ARHGEF12: variants seen among roughly 807,000 people sequenced by gnomAD.
ARHGEF12 encodes Rho guanine nucleotide exchange factor 12.
A neutral mutation model predicts 211.2 loss-of-function variants in ARHGEF12; 66 were observed. That is an observed-to-expected ratio of 0.31 (90% CI 0.26 to 0.38). ARHGEF12 has a LOEUF of 0.38. Among genes scored for constraint, ARHGEF12 ranks in the 10% least tolerant of loss-of-function variants. The pLI is 1.00. For synonymous variants in ARHGEF12, 592 were observed against 638.4 expected (o/e 0.93, Z 1.09); for missense variants, 1,429 against 1,869.5 (o/e 0.76, Z 4.34).
intron 1 of ARHGEF12, among the ~76,000 whole-genome samples, chr11:120,382,456 T>G (rs887868912): frequency 1.6e-4 from 24 of 152,256 alleles, no homozygotes; most frequent in African/African-American, 5.8e-4. Flanking sequence ...TAGCTCTAGT[T>G]TGGGACTGTT....
rs187376069 is a variant in ARHGEF12 at position 120,398,078 on chromosome 11, T to C, written c.33-8040T>C. On this transcript the variant is annotated intron_variant, in intron 1 of 40. Coordinates refer to ENST00000397843, the MANE Select transcript of ARHGEF12 (RefSeq NM_015313.3). ...GAAAAGGCAGAGAGAACCATTGCTT[T>C]ATAGGAAACTACAGTTTGGAAAAAC... 3.3e-5 allele frequency among the ~76,000 whole-genome samples: 5 copies of C among 152,286 alleles called. No individual in the cohort carries two copies. In the East Asian group the frequency reaches 9.6e-4, roughly 29 times the overall value.
intron 26 of ARHGEF12, 100 bp downstream of exon 26, chr11:120,459,420 GATTAT>G: frequency 8.1e-7 from 1 of 1,235,974 alleles, no homozygotes. Context: ...GTATTCCTGA[GATTAT>G]GTGTGAGAAT....
At chr11:120,442,455 CAT>C (rs762540484) in intron 15 of ARHGEF12, among the ~76,000 whole-genome samples, 2,166 of 129,844 alleles carry the variant, frequency 0.017, 54 homozygotes, top group African/African-American at 0.058. Context: ...CACACACACA[CAT>C]ATATATACAC....
intron 1 of ARHGEF12, among the ~76,000 whole-genome samples, chr11:120,366,508 T>C (rs1943425621): frequency 6.6e-6 from 1 of 152,176 alleles, no homozygotes; most frequent in South Asian, 2.1e-4. Flanking sequence ...AATAAAATAA[T>C]ACAGTGGGTG....
intron 4 of ARHGEF12, among the ~76,000 whole-genome samples, chr11:120,417,718 C>T: frequency 6.6e-6 from 1 of 151,996 alleles, no homozygotes; most frequent in Non-Finnish European, 1.5e-5. Context: ...GGTCTCACTC[C>T]TGACTTCATT....
chr11:120,358,679 T>G (rs1258751662), intron 1 of ARHGEF12, among the ~76,000 whole-genome samples: 3 of 152,126 alleles, frequency 2.0e-5, no homozygotes, highest in African/African-American at 7.2e-5. Context: ...TAGCCACATT[T>G]CAAATATTCA....
intron 5 of ARHGEF12, among the ~76,000 whole-genome samples, chr11:120,421,455 T>G (rs72994707): frequency 0.27 from 26,318 of 98,136 alleles, 2,504 homozygotes; most frequent in Non-Finnish European, 0.3. Flanking sequence ...TTTTTTTTTT[T>G]GGAGATGGAG....
intron 28 of ARHGEF12, among the ~76,000 whole-genome samples, chr11:120,466,323 C>T (rs928348042): frequency 8.5e-5 from 13 of 152,238 alleles, no homozygotes; most frequent in African/African-American, 1.7e-4. Context: ...CCAGTTTCAA[C>T]TCCTAGAGAA....
intron 22 of ARHGEF12, among the ~76,000 whole-genome samples, chr11:120,455,514 G>C (rs943474141): frequency 1.3e-5 from 2 of 152,160 alleles, no homozygotes; most frequent in African/African-American, 4.8e-5. Context: ...AATGAATAAA[G>C]ACATTTTCAG....
Position 120,394,759 on chromosome 11 carries a change from TA to T in ARHGEF12, c.33-11350del, listed in dbSNP as rs1216943151. 8.0e-5 allele frequency among the ~76,000 whole-genome samples: 12 copies of T among 150,334 alleles called. No homozygotes were observed. In the East Asian group the frequency reaches 9.8e-4, roughly 12 times the overall value. On this transcript the variant is annotated intron_variant, in intron 1 of 40. Transcript: ENST00000397843. ...ACATCATTACAGATTCTTCAGATATTAAAAAAAAATAGGGGAGGCTGGGTGC... is the reference window on the plus strand; with the variant it reads ...ACATCATTACAGATTCTTCAGATATTAAAAAAAATAGGGGAGGCTGGGTGC...
chr11:120,446,376 A>G, intron 16 of ARHGEF12, 27 bp from the exon 17 acceptor site: 2 of 1,565,098 alleles, frequency 1.3e-6, no homozygotes, highest in South Asian at 1.1e-5. Context: ...ATACCTTTAG[A>G]TAACATAATT....
At chr11:120,347,168 C>T (rs796758892) in intron 1 of ARHGEF12, among the ~76,000 whole-genome samples, 25 of 71,072 alleles carry the variant, frequency 3.5e-4, no homozygotes, top group African/African-American at 5.5e-4. Flanking sequence ...TCCTTCCTTC[C>T]TTCCTTCCTT....
chr11:120,475,283 A>T, intron 32 of ARHGEF12, 57 bp from the exon 33 acceptor site: 1 of 1,493,690 alleles, frequency 6.7e-7, no homozygotes, highest in Non-Finnish European at 9.2e-7. Context: ...TTATAAAGTT[A>T]ATCAAACGCG....
At position 120,420,763 on chromosome 11, in the gene ARHGEF12, G is replaced by C; in HGVS notation, c.210G>C (p.Gln70His). The part of the protein sequence containing the change: ...ESRSEIYGLV[Q>H]RCVIIQKDDN... ...GTGGTTCTTGTGCAGGTCTTGTTCA[G>C]CGTTGCGTAATCATCCAGAAAGATG... The change falls in exon 5 of 41, where the codon CAG (glutamine) becomes CAC (histidine). Residue 70 changes from glutamine (Q) to histidine (H), a missense_variant. Physicochemically the swap from Gln to His is conservative, Grantham distance 24. This residue lies in a region of ARHGEF12 where 60 missense variants were observed against 121.0 expected (regional missense o/e 0.50). Transcript: ENST00000397843. 1 of 1,613,932 alleles carries C rather than the reference G, an allele frequency of 6.2e-7. No individual in the cohort carries two copies. Among genetic ancestry groups the C allele is most frequent in the Non-Finnish European group, 8.5e-7 (1 of 1,179,926 alleles).
chr11:120,344,012 T>C (rs2135249355), intron 1 of ARHGEF12, among the ~76,000 whole-genome samples: 1 of 152,124 alleles, frequency 6.6e-6, no homozygotes, highest in East Asian at 1.9e-4. Flanking sequence ...TGCCTGTAAA[T>C]CCCAGCACTT....
intron 1 of ARHGEF12, among the ~76,000 whole-genome samples, chr11:120,347,802 A>G (rs1942813768): frequency 6.6e-6 from 1 of 152,160 alleles, no homozygotes; most frequent in South Asian, 2.1e-4. Context: ...TTCACAGGAC[A>G]TTCTTTTTTT....
Position 120,485,182 on chromosome 11 carries a change from AT to A in ARHGEF12, c.*106del. ...GGATGCAGAGAGAGTGTGACAGAGG[AT>A]CTGCCTGTGAACCACCTGGGATTAG... On this transcript the variant is annotated 3_prime_UTR_variant, in exon 41 of 41. Coordinates refer to ENST00000397843, the MANE Select transcript of ARHGEF12 (RefSeq NM_015313.3). The A allele has an allele frequency of 6.8e-7, 1 of 1,472,776 alleles. No individual in the cohort carries two copies. Among genetic ancestry groups the A allele is most frequent in the Admixed American group, 1.8e-5 (1 of 57,110 alleles). The allele number at this position is 1,472,776 out of a possible 1,614,324, so 91.2% of individuals were successfully genotyped here.
chr11:120,388,087 C>T (rs1944094158), intron 1 of ARHGEF12, among the ~76,000 whole-genome samples: 1 of 152,162 alleles, frequency 6.6e-6, no homozygotes, highest in Admixed American at 6.5e-5. Flanking sequence ...ATTTCTCCGT[C>T]CCTCCACCCC....
chr11:120,447,287 G>A (rs1946074438), intron 18 of ARHGEF12: 1 of 480,382 alleles, frequency 2.1e-6, no homozygotes, highest in South Asian at 5.0e-5. Flanking sequence ...TTTTCTGGGT[G>A]GTGGTAAATG....
Sources: allele counts gnomAD v4.1 joint callset (sites outside exome capture counted in the v4.1 genomes callset), GRCh38; gene constraint gnomAD v4.1.1; regional missense constraint gnomAD v4.1.1; transcripts MANE v1.5; gene names NCBI Gene and HGNC (gene_info 2026-07-23, HGNC 2026-07-21).